Variants in PRKCD observed in about 807,000 individuals in gnomAD.
PRKCD encodes the protein protein kinase C delta type.
PRKCD carries 20 observed loss-of-function variants against 82.2 expected under a neutral mutation model. The observed-to-expected ratio is 0.24, with a 90% CI of 0.17 to 0.35. The LOEUF (loss-of-function observed/expected upper bound fraction) is 0.35. Among genes scored for constraint, PRKCD ranks in the 10% least tolerant of loss-of-function variants. The pLI is 1.00. For synonymous variants in PRKCD, 317 were observed against 337.0 expected, an observed-to-expected ratio of 0.94 and a Z score of 0.65; for missense variants, 607 against 899.0, an observed-to-expected ratio of 0.68 and a Z score of 4.15.
At chr3:53,185,065 C>A in intron 10 of PRKCD, 91 bp downstream of exon 10, 1 of 1,195,240 alleles carries the variant, frequency 8.4e-7, no homozygotes, top group Non-Finnish European at 1.2e-6. Flanking sequence ...CACAGACAGC[C>A]AGGATATATT....
intron 2 of PRKCD, among the ~76,000 whole-genome samples, chr3:53,176,499 GT>G (rs1703217572): frequency 6.6e-6 from 1 of 152,276 alleles, no homozygotes; most frequent in South Asian, 2.1e-4. Flanking sequence ...GCATGCACAC[GT>G]GTGTGTCTGA....
Position 53,192,285 on chromosome 3 carries a change from G to T in PRKCD, c.*19G>T. ...AGATTGAGGTTCCTGGACAGATCAG[G>T]CTAGCCCTGCCCTCCACCCACACCT... is the stretch of plus-strand genomic sequence containing the variant. On this transcript the variant is annotated 3_prime_UTR_variant, in exon 19 of 19. Coordinates refer to ENST00000330452, the MANE Select transcript of PRKCD (RefSeq NM_006254.4). 6.2e-7 allele frequency: 1 copy of T among 1,612,852 alleles called. No individual in the cohort carries two copies. The highest frequency in any genetic ancestry group is 1.1e-5 in the South Asian group (1 of 91,052).
chr3:53,186,633 C>T lies in PRKCD; in HGVS notation c.1290C>T (p.Leu430=). Reference sequence around the variant, plus strand: ...ACCTGTTCTTTGTGATGGAGTTCCTCAACGGGGGGGACCTGATGTACCACA... The same window carrying T: ...ACCTGTTCTTTGTGATGGAGTTCCTTAACGGGGGGGACCTGATGTACCACA... ...KDHLFFVMEF[L]NGGDLMYHIQ... is the part of the protein sequence containing the mutation. The change falls in exon 14 of 19, where the codon CTC becomes CTT. Residue 430 remains leucine, a synonymous_variant. Coordinates refer to ENST00000330452, the MANE Select transcript of PRKCD (RefSeq NM_006254.4). The T allele has an allele frequency of 1.2e-6, 2 of 1,613,876 alleles. No homozygotes were observed. The highest frequency in any genetic ancestry group is 1.1e-5 in the South Asian group (1 of 91,052).
chr3:53,183,196 G>T lies in PRKCD; in HGVS notation c.647G>T (p.Arg216Leu). Residue 216 changes from arginine to leucine, a missense_variant, in exon 8 of 19, where the codon CGG becomes CTG. Physicochemically the swap from Arg to Leu is moderately radical, Grantham distance 102. Around this residue, in one of 5 missense-constraint regions of PRKCD, gnomAD observed 109 missense variants for 155.6 expected, o/e 0.70. Transcript: ENST00000330452. ...GRCTGTAANSRDTIFQKERFN... is the reference protein window; with the variant it reads ...GRCTGTAANSLDTIFQKERFN... Reference sequence around the variant, plus strand: ...TGCACTGGCACCGCGGCCAACAGCCGGGACACTATAGTGAGCCTGGGTCCG... The same window carrying T: ...TGCACTGGCACCGCGGCCAACAGCCTGGACACTATAGTGAGCCTGGGTCCG... 6.2e-7 allele frequency: 1 copy of T among 1,614,094 alleles called. No individual in the cohort carries two copies. Among genetic ancestry groups the T allele is most frequent in the Non-Finnish European group, 8.5e-7 (1 of 1,179,972 alleles).
intron 1 of PRKCD, 34 bp downstream of exon 1, chr3:53,161,462 G>A (rs1342200914): frequency 6.6e-6 from 1 of 151,890 alleles, no homozygotes; most frequent in African/African-American, 2.4e-5. Context: ...GCGGGATCGG[G>A]GCTACCCCGA....
intron 2 of PRKCD, among the ~76,000 whole-genome samples, chr3:53,176,890 G>A (rs781973496): frequency 6.6e-6 from 1 of 151,660 alleles, no homozygotes; most frequent in African/African-American, 2.4e-5. Flanking sequence ...GTGCAATGGC[G>A]CAGTCTCAGC....
chr3:53,184,196 G>C (rs560108337), intron 9 of PRKCD, among the ~76,000 whole-genome samples: 1 of 151,946 alleles, frequency 6.6e-6, no homozygotes, highest in Non-Finnish European at 1.5e-5. Context: ...TTAGCCTGGC[G>C]TGGTGGCGGG....
chr3:53,185,543 TG>T, intron 10 of PRKCD, 60 bp from the exon 11 acceptor site: 1 of 1,426,208 alleles, frequency 7.0e-7, no homozygotes, highest in Non-Finnish European at 9.8e-7. Context: ...GTCTTCCTTC[TG>T]GGCTGGGAGT....
chr3:53,189,186 T>A lies in PRKCD; in HGVS notation c.1683T>A (p.Arg561=). 8.7e-6 allele frequency: 14 copies of A among 1,614,130 alleles called. No individual in the cohort carries two copies. The highest frequency in any genetic ancestry group is 1.2e-5 in the Non-Finnish European group (14 of 1,180,000). Residue 561 remains arginine, a synonymous_variant, in exon 17 of 19, where the codon CGT becomes CGA. Transcript: ENST00000330452. Reference sequence around the variant, plus strand: ...AGGATGAACTCTTCGAGTCCATCCGTGTGGACACGCCACATTATCCCCGCT... The same window carrying A: ...AGGATGAACTCTTCGAGTCCATCCGAGTGGACACGCCACATTATCCCCGCT... The part of the protein sequence containing the change: ...DDEDELFESI[R]VDTPHYPRWI...
chr3:53,168,988 G>A (rs556904764), intron 2 of PRKCD, among the ~76,000 whole-genome samples: 12 of 152,170 alleles, frequency 7.9e-5, no homozygotes, highest in South Asian at 4.2e-4. Context: ...GGGGACTGTC[G>A]GGCCGGGGTA....
chr3:53,185,349 G>T (rs542447042), intron 10 of PRKCD, among the ~76,000 whole-genome samples: 1 of 152,220 alleles, frequency 6.6e-6, no homozygotes, highest in Non-Finnish European at 1.5e-5. Context: ...AATCTATCGA[G>T]TGAGTGGTTG....
chr3:53,177,946 C>CTTTTTT (rs55779744), intron 2 of PRKCD, among the ~76,000 whole-genome samples: 11 of 135,078 alleles, frequency 8.1e-5, no homozygotes, highest in South Asian at 2.3e-4. Flanking sequence ...TTTTCTTTTT[C>CTTTTTT]TTTTTTTTTT....
chr3:53,189,061 C>G lies in PRKCD; in HGVS notation c.1558C>G (p.Leu520Val). Reference protein sequence around the residue: ...GTPDYIAPEILQGLKYTFSVD... With the variant: ...GTPDYIAPEIVQGLKYTFSVD... ...CTGCTGCTCTCCCCACCGCCAGATCCTACAGGGCCTGAAGTACACATTCTC... is the reference window on the plus strand; with the variant it reads ...CTGCTGCTCTCCCCACCGCCAGATCGTACAGGGCCTGAAGTACACATTCTC... Residue 520 changes from leucine to valine, a missense_variant, in exon 17 of 19, where the codon CTA becomes GTA. Coordinates refer to ENST00000330452, the MANE Select transcript of PRKCD (RefSeq NM_006254.4). The G allele has an allele frequency of 1.9e-6, 3 of 1,611,770 alleles. No homozygotes were observed. The highest frequency in any genetic ancestry group is 2.5e-6 in the Non-Finnish European group (3 of 1,178,614).
rs1703811630 is a variant in PRKCD, at chr3:53,188,840, T to C, written c.1536T>C (p.Pro512=). ...GGGCCAGCACCTTCTGCGGCACCCC[T>C]GACTATATCGCCCCTGAGGTGAGCC... The part of the protein sequence containing the change: ...ESRASTFCGT[P]DYIAPEILQG... Residue 512 remains proline (P), a synonymous_variant, in exon 16 of 19, where the codon CCT becomes CCC. Transcript: ENST00000330452. 6.2e-7 allele frequency: 1 copy of C among 1,614,150 alleles called. No homozygotes were observed.
chr3:53,185,772 T>C, intron 11 of PRKCD, 72 bp downstream of exon 11: 4 of 1,555,690 alleles, frequency 2.6e-6, no homozygotes, highest in Non-Finnish European at 3.5e-6. Context: ...CTGTCCTCCC[T>C]TCCATTGTCA....
At chr3:53,181,667 C>T (rs535561001) in intron 6 of PRKCD, 34 bp from the exon 7 acceptor site, 109 of 1,612,340 alleles carry the variant, frequency 6.8e-5, no homozygotes, top group Non-Finnish European at 8.0e-5. Flanking sequence ...TCCCGGTCCC[C>T]GCTCACTCAC....
rs782221968 is a variant in PRKCD at position 53,189,265 on chromosome 3, GCTGGGCTGGT to G, written c.1743+29_1743+38del. ...GGAGAAGGTGGAGGCCCTGGGCTGG[GCTGGGCTGGT>G]CTGGGCTGGGCTGGGGCAGGGGCTG... On this transcript the variant is annotated intron_variant, in intron 17 of 18. Transcript: ENST00000330452. 608 of 1,517,138 alleles carry G rather than the reference GCTGGGCTGGT, an allele frequency of 4.0e-4. 2 individuals are homozygous for G. Among genetic ancestry groups the G allele is most frequent in the South Asian group, 1.4e-3 (111 of 82,060 alleles). 94.0% of individuals were successfully genotyped at this position (1,517,138 alleles called of 1,614,324 possible).
At chr3:53,190,348 G>T (rs782291167) in intron 18 of PRKCD, among the ~76,000 whole-genome samples, 14 of 152,218 alleles carry the variant, frequency 9.2e-5, no homozygotes, top group Non-Finnish European at 1.8e-4. Flanking sequence ...CAAAGTGGGA[G>T]ATGCAGTCCC....
At chr3:53,168,406 A>G (rs1163255792) in intron 2 of PRKCD, among the ~76,000 whole-genome samples, 13 of 152,002 alleles carry the variant, frequency 8.6e-5, no homozygotes, top group African/African-American at 3.1e-4. Context: ...TGGTAAGGAC[A>G]GTGATGCAAA....
Sources: allele counts gnomAD v4.1 joint callset (sites outside exome capture counted in the v4.1 genomes callset), GRCh38; gene constraint gnomAD v4.1.1; regional missense constraint gnomAD v4.1.1; transcripts MANE v1.5; gene names NCBI Gene and HGNC (gene_info 2026-07-23, HGNC 2026-07-21).